MYO3A: variants seen among roughly 807,000 people sequenced by gnomAD.
MYO3A encodes myosin IIIA.
In MYO3A, 180 loss-of-function variants were observed where a neutral mutation model predicts 192.7. The ratio of observed to expected loss-of-function variants is 0.93; its 90% CI spans 0.83 to 1.06. The LOEUF is 1.06. Among genes scored for constraint, MYO3A ranks in the 50% least tolerant of loss-of-function variants. The pLI is 0.00. For synonymous variants in MYO3A, 628 were observed against 645.3 expected, an observed-to-expected ratio of 0.97 and a Z score of 0.41; for missense variants, 1,896 against 1,905.0, an observed-to-expected ratio of 1.00 and a Z score of 0.09.
At chr10:26,081,287 G>A (rs1835942484) in intron 14 of MYO3A, among the ~76,000 whole-genome samples, 1 of 151,956 alleles carries the variant, frequency 6.6e-6, no homozygotes, top group Non-Finnish European at 1.5e-5. Context: ...CTGGAGTTGT[G>A]TACCTAGGAG....
intron 15 of MYO3A, among the ~76,000 whole-genome samples, chr10:26,090,767 G>A (rs1836652797): frequency 6.6e-6 from 1 of 152,204 alleles, no homozygotes; most frequent in African/African-American, 2.4e-5. Flanking sequence ...ACAAGCTCAA[G>A]GGTTTTAACT....
chr10:25,955,791 T>C (rs1443145031), intron 4 of MYO3A, among the ~76,000 whole-genome samples: 1 of 152,216 alleles, frequency 6.6e-6, no homozygotes, highest in Non-Finnish European at 1.5e-5. Flanking sequence ...TATAACAGCA[T>C]ATATTTATTG....
intron 24 of MYO3A, 24 bp downstream of exon 24, chr10:26,153,953 GCA>G: frequency 6.7e-7 from 1 of 1,493,726 alleles, no homozygotes. Context: ...TTTTTTCTTG[GCA>G]GTGAGTCTAA....
chr10:25,974,405 A>C (rs1838852330), intron 4 of MYO3A, among the ~76,000 whole-genome samples: 1 of 151,920 alleles, frequency 6.6e-6, no homozygotes, highest in Non-Finnish European at 1.5e-5. Flanking sequence ...TCAAAATCTC[A>C]CTCTTTTCAA....
intron 32 of MYO3A, among the ~76,000 whole-genome samples, chr10:26,199,979 G>A (rs541881616): frequency 4.6e-5 from 7 of 152,280 alleles, no homozygotes; most frequent in Non-Finnish European, 1.0e-4. Flanking sequence ...ATCATTAACT[G>A]AACTGCTAGT....
At chr10:26,210,151 AAAGGAAGG>A (rs895493570) in intron 34 of MYO3A, among the ~76,000 whole-genome samples, 1 of 145,534 alleles carries the variant, frequency 6.9e-6, no homozygotes, top group Non-Finnish European at 1.5e-5. Context: ...AGGAAGGAAG[AAAGGAAGG>A]AAGGAAGGGA....
At chr10:26,204,799 G>A (rs1843834826) in intron 34 of MYO3A, among the ~76,000 whole-genome samples, 1 of 152,198 alleles carries the variant, frequency 6.6e-6, no homozygotes, top group African/African-American at 2.4e-5. Context: ...TTACCTCCAA[G>A]AGCTTGATGC....
At chr10:26,033,849 C>T (rs1395640902) in intron 10 of MYO3A, among the ~76,000 whole-genome samples, 4 of 152,158 alleles carry the variant, frequency 2.6e-5, no homozygotes, top group Non-Finnish European at 4.4e-5. Context: ...ACAAGATGAA[C>T]GTTATAGCAG....
intron 31 of MYO3A, among the ~76,000 whole-genome samples, chr10:26,190,257 A>G (rs1325088252): frequency 6.6e-6 from 1 of 152,176 alleles, no homozygotes. Context: ...AAAACAATGG[A>G]CAGAAGTTAA....
chr10:26,008,081 T>G (rs1366069692), intron 6 of MYO3A, among the ~76,000 whole-genome samples: 1 of 148,576 alleles, frequency 6.7e-6, no homozygotes, highest in Non-Finnish European at 1.5e-5. Context: ...TAACGCCGCA[T>G]ATCTACAACT....
At chr10:25,993,600 A>G (rs1335585565) in intron 4 of MYO3A, among the ~76,000 whole-genome samples, 1 of 151,922 alleles carries the variant, frequency 6.6e-6, no homozygotes, top group Non-Finnish European at 1.5e-5. Flanking sequence ...GTTAATTGTG[A>G]TGTTAGGGTG....
chr10:26,109,788 C>G (rs1040739393), intron 17 of MYO3A, among the ~76,000 whole-genome samples: 1 of 152,174 alleles, frequency 6.6e-6, no homozygotes, highest in Admixed American at 6.6e-5. Flanking sequence ...AATTTAGAAT[C>G]TCTCATTGAA....
intron 14 of MYO3A, among the ~76,000 whole-genome samples, chr10:26,079,636 A>T (rs1341409542): frequency 2.6e-5 from 4 of 151,974 alleles, no homozygotes; most frequent in African/African-American, 4.8e-5. Flanking sequence ...TGCTTTAAAG[A>T]TGTTCTGTTT....
intron 10 of MYO3A, among the ~76,000 whole-genome samples, chr10:26,042,801 G>A (rs1021811364): frequency 1.3e-5 from 2 of 152,146 alleles, no homozygotes; most frequent in East Asian, 3.8e-4. Flanking sequence ...CTTTCTCCAG[G>A]ATTGGTCCCT....
chr10:26,125,092 G>A (rs1373019661), intron 18 of MYO3A, among the ~76,000 whole-genome samples: 3 of 152,138 alleles, frequency 2.0e-5, no homozygotes, highest in African/African-American at 4.8e-5. Flanking sequence ...GCATAATTTA[G>A]TGAAACTATA....
Position 26,066,992 on chromosome 10 carries a change from C to T in MYO3A, c.971C>T (p.Thr324Met), listed in dbSNP as rs148453072. ...TEKARRERIH[T>M]KKGNFNRPLI... The stretch of plus-strand genomic sequence containing the variant: ...CTCCACAGACGTGAACGTATTCACA[C>T]GAAGAAAGGGAACTTCAACCGACCT... Residue 324 changes from threonine (T) to methionine (M), a missense_variant, in exon 11 of 35, where the codon ACG (threonine) becomes ATG (methionine). By Grantham distance (81) the Thr-to-Met change is moderately conservative. Coordinates refer to ENST00000642920, the MANE Select transcript of MYO3A (RefSeq NM_017433.5). The T allele has an allele frequency of 6.8e-6, 11 of 1,611,082 alleles. No homozygotes were observed. The highest frequency in any genetic ancestry group is 3.3e-5 in the Admixed American group (2 of 60,010).
At chr10:26,036,426 C>T (rs149695350) in intron 10 of MYO3A, among the ~76,000 whole-genome samples, 14 of 152,230 alleles carry the variant, frequency 9.2e-5, no homozygotes, top group African/African-American at 3.1e-4. Context: ...GAAAGAGTCT[C>T]TCATGCCTAT....
At chr10:26,171,174 G>T (rs1211795887) in intron 29 of MYO3A, among the ~76,000 whole-genome samples, 2 of 152,134 alleles carry the variant, frequency 1.3e-5, no homozygotes, top group Admixed American at 1.3e-4. Flanking sequence ...CCCTGCCTTG[G>T]TTGGTAGTGG....
intron 4 of MYO3A, among the ~76,000 whole-genome samples, chr10:25,991,232 G>A (rs1240477982): frequency 6.6e-6 from 1 of 152,204 alleles, no homozygotes; most frequent in African/African-American, 2.4e-5. Flanking sequence ...ATATCTCATT[G>A]TGGTTTTGGT....
Sources: gnomAD v4.1 joint callset for allele counts (sites outside exome capture counted in the v4.1 genomes callset) on GRCh38, gnomAD v4.1.1 for gene constraint, MANE v1.5 for transcripts, NCBI Gene and HGNC (gene_info 2026-07-23, HGNC 2026-07-21) for gene names.